The following ROBO2 variants were observed in gnomAD, a reference collection of about 807,000 sequenced individuals.
ROBO2 encodes the protein roundabout guidance receptor 2.
Under a neutral mutation model 160.8 loss-of-function variants are expected in ROBO2, and 53 were observed. The observed-to-expected ratio is 0.33, with a 90% confidence interval of 0.26 to 0.41. The LOEUF is 0.41. ROBO2 is among the 10% of genes least tolerant of loss of function. The pLI is 1.00. For missense variants in ROBO2, 1,577 were observed against 1,722.4 expected, an observed-to-expected ratio of 0.92 and a Z score of 1.49; for synonymous variants, 664 against 611.7, an observed-to-expected ratio of 1.09 and a Z score of -1.26.
chr3:77,535,168 A>G (rs558794968), intron 6 of ROBO2, among the ~76,000 whole-genome samples: 3 of 152,030 alleles, frequency 2.0e-5, no homozygotes, highest in African/African-American at 4.8e-5. Context: ...CTTCAGCATC[A>G]GTACATTTGT....
intron 2 of ROBO2, among the ~76,000 whole-genome samples, chr3:76,136,417 G>A (rs528723065): frequency 1.3e-5 from 2 of 152,170 alleles, no homozygotes; most frequent in South Asian, 2.1e-4. Flanking sequence ...AATGAATGGG[G>A]AAAAAACTTG....
chr3:76,191,539 A>G (rs543901862), intron 2 of ROBO2, among the ~76,000 whole-genome samples: 2 of 152,162 alleles, frequency 1.3e-5, no homozygotes, highest in African/African-American at 4.8e-5. Flanking sequence ...TGATTATATA[A>G]TATTTAATAA....
intron 2 of ROBO2, among the ~76,000 whole-genome samples, chr3:77,010,644 C>T (rs1442832276): frequency 6.6e-6 from 1 of 152,098 alleles, no homozygotes; most frequent in Non-Finnish European, 1.5e-5. Flanking sequence ...CCTCAGATGC[C>T]TTTCTTCAGA....
At chr3:75,982,316 A>G (rs181834559) in intron 2 of ROBO2, among the ~76,000 whole-genome samples, 18 of 151,404 alleles carry the variant, frequency 1.2e-4, no homozygotes, top group Admixed American at 1.1e-3. Context: ...ATCATGTGGT[A>G]GCTCAATTTT....
chr3:76,817,417 A>G (rs1301905488), intron 2 of ROBO2, among the ~76,000 whole-genome samples: 4 of 152,244 alleles, frequency 2.6e-5, no homozygotes, highest in Middle Eastern at 3.4e-3. Context: ...GCTGAAACAA[A>G]CAGAGCTGTG....
chr3:77,495,839 G>T (rs988937110), intron 5 of ROBO2, among the ~76,000 whole-genome samples: 2 of 152,156 alleles, frequency 1.3e-5, no homozygotes, highest in Non-Finnish European at 2.9e-5. Context: ...TTGTAAGTGT[G>T]CATTGCATTT....
chr3:77,610,741 CAAA>C (rs71629658), intron 21 of ROBO2, among the ~76,000 whole-genome samples: 1 of 19,826 alleles, frequency 5.0e-5, no homozygotes, highest in African/African-American at 1.5e-4. Context: ...GGCCAAAGAC[CAAA>C]AAAAAAAAAA....
At chr3:76,024,439 A>G (rs2066670104) in intron 2 of ROBO2, among the ~76,000 whole-genome samples, 2 of 151,466 alleles carry the variant, frequency 1.3e-5, no homozygotes, top group African/African-American at 4.8e-5. Flanking sequence ...TAAAATGTAT[A>G]GGTCATTTGC....
At chr3:77,501,336 A>G (rs979842844) in intron 5 of ROBO2, among the ~76,000 whole-genome samples, 3 of 152,206 alleles carry the variant, frequency 2.0e-5, no homozygotes, top group African/African-American at 7.2e-5. Flanking sequence ...AATTAATTAT[A>G]TTAACACAAA....
chr3:77,565,195 G>C (rs1190444442), intron 12 of ROBO2, 75 bp downstream of exon 13: 16 of 1,503,466 alleles, frequency 1.1e-5, no homozygotes, highest in Non-Finnish European at 1.5e-5. Context: ...GGCTTGATGA[G>C]GAAATATACA....
At chr3:76,151,871 C>T (rs1159210787) in intron 2 of ROBO2, among the ~76,000 whole-genome samples, 5 of 152,084 alleles carry the variant, frequency 3.3e-5, no homozygotes, top group Admixed American at 3.3e-4. Context: ...CTTGTGAATT[C>T]TCATTTTGAT....
At chr3:76,922,679 C>T (rs1417474099) in intron 2 of ROBO2, among the ~76,000 whole-genome samples, 1 of 152,126 alleles carries the variant, frequency 6.6e-6, no homozygotes, top group Non-Finnish European at 1.5e-5. Context: ...CCACTTGTCT[C>T]GGCATCTCAC....
intron 2 of ROBO2, among the ~76,000 whole-genome samples, chr3:76,885,272 T>C (rs1411651312): frequency 6.6e-6 from 1 of 152,166 alleles, no homozygotes. Flanking sequence ...TGAATAAAAT[T>C]TAACCATGCA....
chr3:77,116,499 C>T (rs562987568), intron 2 of ROBO2, among the ~76,000 whole-genome samples: 25 of 152,214 alleles, frequency 1.6e-4, no homozygotes, highest in Admixed American at 6.5e-4. Context: ...TGATGTAGCC[C>T]TTCCTTGGCT....
At chr3:77,309,245 C>A (rs1253562998) in intron 2 of ROBO2, among the ~76,000 whole-genome samples, 1 of 152,084 alleles carries the variant, frequency 6.6e-6, no homozygotes, top group East Asian at 1.9e-4. Context: ...TATATACTCA[C>A]AATACATAAA....
At chr3:76,446,928 C>T (rs1200262548) in intron 2 of ROBO2, among the ~76,000 whole-genome samples, 1 of 152,012 alleles carries the variant, frequency 6.6e-6, no homozygotes, top group East Asian at 1.9e-4. Flanking sequence ...GATCTAAAAC[C>T]ATAAAAACCC....
At chr3:77,367,643 A>G (rs2071100713) in intron 2 of ROBO2, among the ~76,000 whole-genome samples, 1 of 152,230 alleles carries the variant, frequency 6.6e-6, no homozygotes, top group Non-Finnish European at 1.5e-5. Context: ...AAGAGCAGGC[A>G]ACAGTAATTT....
At chr3:77,355,225 CT>C (rs1403598591) in intron 2 of ROBO2, among the ~76,000 whole-genome samples, 3 of 152,238 alleles carry the variant, frequency 2.0e-5, no homozygotes, top group Non-Finnish European at 4.4e-5. Flanking sequence ...ATCAACCCTT[CT>C]TCCCATCTGC....
At chr3:76,958,158 C>G (rs983755850) in intron 2 of ROBO2, among the ~76,000 whole-genome samples, 2 of 152,198 alleles carry the variant, frequency 1.3e-5, no homozygotes, top group Non-Finnish European at 2.9e-5. Context: ...TGCCTCGTTT[C>G]ATTGCTGCGA....
Sources: allele counts gnomAD v4.1 joint callset (sites outside exome capture counted in the v4.1 genomes callset), GRCh38; gene constraint gnomAD v4.1.1; transcripts MANE v1.5; gene names NCBI Gene and HGNC (gene_info 2026-07-23, HGNC 2026-07-21).